Variants in NWD1 observed in about 807,000 individuals in gnomAD.
NWD1 encodes the protein NACHT and WD repeat domain containing 1, also known as NACHT domain- and WD repeat-containing protein 1.
NWD1 carries 129 observed loss-of-function variants against 135.1 expected under a neutral mutation model. That is an observed-to-expected ratio of 0.96 (90% CI 0.83 to 1.11). NWD1 has a LOEUF of 1.11. Ranked by LOEUF, NWD1 falls within the 50% of genes least tolerant of loss-of-function variation. NWD1 has a pLI of 0.00. For synonymous variants in NWD1, 773 were observed against 786.0 expected, an observed-to-expected ratio of 0.98 and a Z score of 0.28; for missense variants, 1,740 against 1,851.3, an observed-to-expected ratio of 0.94 and a Z score of 1.10.
intron 17 of NWD1, among the ~76,000 whole-genome samples, chr19:16,801,227 C>A (rs1599555238): frequency 6.6e-6 from 1 of 151,932 alleles, no homozygotes. Context: ...TGCAGTGAGC[C>A]GAGATCACGC....
rs1478412669 is a variant in NWD1, at chr19:16,744,732, G to A, written c.496+14G>A. 2 of 1,534,284 alleles carry A rather than the reference G, an allele frequency of 1.3e-6. No individual in the cohort carries two copies. Among genetic ancestry groups the A allele is most frequent in the South Asian group, 1.2e-5 (1 of 84,014 alleles). On this transcript the variant is annotated intron_variant, in intron 5 of 18. Coordinates refer to ENST00000524140, the MANE Select transcript of NWD1 (RefSeq NM_001007525.5). The stretch of plus-strand genomic sequence containing the variant: ...ACCACCGGTCAGGTGAGGCCGCAGG[G>A]ACTCCCCTCTGGAGACCCACAAGAA...
chr19:16,742,692 C>T (rs1234828412), intron 4 of NWD1, among the ~76,000 whole-genome samples: 5 of 151,784 alleles, frequency 3.3e-5, no homozygotes, highest in East Asian at 3.9e-4. Flanking sequence ...TATTTTGAGA[C>T]GGAGTTTCGC....
At chr19:16,768,960 A>C (rs537998047) in intron 10 of NWD1, among the ~76,000 whole-genome samples, 63 of 152,204 alleles carry the variant, frequency 4.1e-4, no homozygotes, top group African/African-American at 1.4e-3. Context: ...TCTCCTCCAG[A>C]CAGCATCCTC....
At chr19:16,760,433 AT>A (rs1427273773) in intron 7 of NWD1, among the ~76,000 whole-genome samples, 4 of 150,696 alleles carry the variant, frequency 2.7e-5, no homozygotes, top group African/African-American at 9.8e-5. Flanking sequence ...TAATTTTTAA[AT>A]TTTTTTGTGG....
At chr19:16,773,040 G>A in intron 10 of NWD1, 86 bp from the exon 11 acceptor site, 1 of 1,109,952 alleles carries the variant, frequency 9.0e-7, no homozygotes, top group Non-Finnish European at 1.4e-6. Flanking sequence ...TTGTTCTGGA[G>A]CCCCTGCAGG....
chr19:16,749,870 C>T lies in NWD1; in HGVS notation c.1228C>T (p.His410Tyr). 1 of 1,613,402 alleles carries T rather than the reference C, an allele frequency of 6.2e-7. No homozygotes were observed. Among genetic ancestry groups the T allele is most frequent in the South Asian group, 1.1e-5 (1 of 91,076 alleles). ...GCCCCCTGCCCAGGTTCTGGACGCC[C>T]ACACCAGGGTGGTCCAGTTTTTCCA... ...PLPPAQVLDA[H>Y]TRVVQFFHTL... The change falls in exon 6 of 19, where the codon CAC becomes TAC. Residue 410 changes from histidine to tyrosine, a missense_variant. Physicochemically the swap from His to Tyr is moderately conservative, Grantham distance 83 (BLOSUM62 2). Transcript: ENST00000524140.
intron 12 of NWD1, among the ~76,000 whole-genome samples, chr19:16,782,905 CTTCCTTCT>C (rs1969905232): frequency 9.1e-6 from 1 of 110,246 alleles, no homozygotes; most frequent in Non-Finnish European, 1.6e-5. Context: ...TCCATCCTTC[CTTCCTTCT>C]TTCCTTCCTT....
Position 16,816,523 on chromosome 19 carries a change from A to AGCT in NWD1, c.*1489_*1491dup, listed in dbSNP as rs1424404476. 2.6e-5 allele frequency: 4 copies of AGCT among 152,210 alleles called. No individual in the cohort carries two copies. The highest frequency in any genetic ancestry group is 4.8e-5 in the African/African-American group (2 of 41,450). The allele number at this position is 152,210 out of a possible 1,614,324, so 9.4% of individuals were successfully genotyped here. Reference sequence around the variant, plus strand: ...ACTGGAGGCTCTTGGAAGTAGAAAGAGCTGCTGATCTCTCCCTGCTTTGCT... The same window carrying AGCT: ...ACTGGAGGCTCTTGGAAGTAGAAAGAGCTGCTGCTGATCTCTCCCTGCTTTGCT... On this transcript the variant is annotated 3_prime_UTR_variant, in exon 19 of 19. Transcript: ENST00000524140.
chr19:16,759,003 C>CAAAAAAAAAAAAAAAA (rs58283462), intron 6 of NWD1, among the ~76,000 whole-genome samples: 2 of 74,928 alleles, frequency 2.7e-5, no homozygotes, highest in African/African-American at 9.6e-5. Flanking sequence ...AACTCTGTCT[C>CAAAAAAAAAAAAAAAA]AAAAAAAAAA....
chr19:16,741,178 A>C (rs1055111256), intron 4 of NWD1, among the ~76,000 whole-genome samples: 1 of 151,910 alleles, frequency 6.6e-6, no homozygotes, highest in African/African-American at 2.4e-5. Flanking sequence ...GAAAAGGGGG[A>C]GGGGACAGCC....
At chr19:16,773,939 T>C (rs373636322) in intron 11 of NWD1, among the ~76,000 whole-genome samples, 4 of 124,362 alleles carry the variant, frequency 3.2e-5, no homozygotes, top group African/African-American at 6.2e-5. Flanking sequence ...TCCATCCATC[T>C]ATCCATCCAT....
intron 11 of NWD1, among the ~76,000 whole-genome samples, chr19:16,778,560 G>C (rs138647780): frequency 6.7e-6 from 1 of 148,892 alleles, no homozygotes; most frequent in East Asian, 1.9e-4. Flanking sequence ...CCAGGTTGGA[G>C]TGCAGTGGTG....
chr19:16,733,863 G>C (rs980753446), intron 3 of NWD1, among the ~76,000 whole-genome samples: 2 of 151,926 alleles, frequency 1.3e-5, no homozygotes, highest in Admixed American at 6.6e-5. Context: ...TTCCTTTCCT[G>C]CTCCTCTAAC....
At chr19:16,755,687 C>CTTATTTATTTATTTAT (rs60291508) in intron 6 of NWD1, among the ~76,000 whole-genome samples, 2,245 of 148,096 alleles carry the variant, frequency 0.015, 29 homozygotes, top group East Asian at 0.032. Context: ...CACATCCAGC[C>CTTATTTATTTATTTAT]TTATTTATTT....
Position 16,731,295 on chromosome 19 carries a change from C to T in NWD1, c.81+17C>T. 16 of 1,450,556 alleles carry T rather than the reference C, an allele frequency of 1.1e-5. No individual in the cohort carries two copies. The highest frequency in any genetic ancestry group is 1.4e-5 in the Non-Finnish European group (15 of 1,070,212). 89.9% of individuals were successfully genotyped at this position (1,450,556 alleles called of 1,614,324 possible). ...ATGTTTGAGGTAACTGGAAGTCACT[C>T]CGGGCTCCATGCTTTTTTTATTTTT... On this transcript the variant is annotated intron_variant, in intron 3 of 18. Coordinates refer to ENST00000524140, the MANE Select transcript of NWD1 (RefSeq NM_001007525.5).
At position 16,750,066 on chromosome 19, in the gene NWD1, T is replaced by TGC. The variant is rs1568351219; in HGVS notation, c.1424_1425insGC (p.Asp477TrpfsTer17). 6.2e-7 allele frequency: 1 copy of TGC among 1,613,334 alleles called. No individual in the cohort carries two copies. Among genetic ancestry groups the TGC allele is most frequent in the African/African-American group, 1.3e-5 (1 of 74,842 alleles). On this transcript the variant is annotated frameshift_variant, in exon 6 of 19. Transcript: ENST00000524140. LOFTEE classifies it high-confidence loss of function. ...TCAGCTTGCTCGGGGGCACTGGGGG[T>TGC]TTTGGACACCTTGCAGCGGGTGCTC...
rs77826648 is a variant in NWD1, at chr19:16,744,429, C to T, written c.207C>T (p.Ile69=). ...GACTTCCTCTCTGCCAGGCCCTCAT[C>T]GGTGATCAGTACGGCCCCTGTCTGA... is the stretch of plus-strand genomic sequence containing the variant. The part of the protein sequence containing the change: ...TSIGPAFVAL[I]GDQYGPCLIP... The change falls in exon 5 of 19, where the codon ATC becomes ATT. Residue 69 remains isoleucine (I), a synonymous_variant. Coordinates refer to ENST00000524140, the MANE Select transcript of NWD1 (RefSeq NM_001007525.5). 71 of 1,535,312 alleles carry T rather than the reference C, an allele frequency of 4.6e-5. No individual in the cohort carries two copies. Among genetic ancestry groups the T allele is most frequent in the Admixed American group, 2.4e-4 (12 of 50,944 alleles).
rs151016489 is a variant in NWD1, at chr19:16,735,163, C to T, written c.82-1471C>T. Among the ~76,000 whole-genome samples, 10 of 152,186 alleles carry T rather than the reference C, an allele frequency of 6.6e-5. No individual in the cohort carries two copies. In the East Asian group the frequency reaches 7.7e-4, roughly 12 times the overall value. On this transcript the variant is annotated intron_variant, in intron 3 of 18. Transcript: ENST00000524140. ...ACACCCCACACTCTGTGTCTCCTAA[C>T]GTTTTACCTAACCACAGCACAACCA...
intron 4 of NWD1, among the ~76,000 whole-genome samples, chr19:16,743,848 A>G (rs1268221597): frequency 6.6e-6 from 1 of 151,776 alleles, no homozygotes; most frequent in Non-Finnish European, 1.5e-5. Flanking sequence ...ACGCCCAGCT[A>G]ATTTTTATAT....
Sources: allele counts gnomAD v4.1 joint callset (sites outside exome capture counted in the v4.1 genomes callset), GRCh38; gene constraint gnomAD v4.1.1; transcripts MANE v1.5; gene names NCBI Gene and HGNC (gene_info 2026-07-23, HGNC 2026-07-21).